The following AKAP9 variants were observed in gnomAD, a reference collection of about 807,000 sequenced individuals.
The protein encoded by AKAP9 is A-kinase anchor protein 9.
Under a neutral mutation model 488.5 loss-of-function variants are expected in AKAP9, and 311 were observed. That is an observed-to-expected ratio of 0.64 (90% CI 0.58 to 0.70). The LOEUF (loss-of-function observed/expected upper bound fraction) is 0.70. AKAP9 is among the 30% of genes least tolerant of loss of function. AKAP9 has a pLI of 0.00. For synonymous variants in AKAP9, 1,462 were observed against 1,483.5 expected (o/e 0.99, Z 0.33); for missense variants, 4,215 against 4,374.5 (o/e 0.96, Z 1.03).
At chr7:91,992,761 C>T in intron 4 of AKAP9, 124 bp from the exon 5 acceptor site, 7 of 871,258 alleles carry the variant, frequency 8.0e-6, no homozygotes, top group Non-Finnish European at 1.3e-5. Context: ...GGTTGCCATA[C>T]CATAATCTTC....
At chr7:92,094,459 G>A (rs1364032228) in intron 39 of AKAP9, among the ~76,000 whole-genome samples, 1 of 151,978 alleles carries the variant, frequency 6.6e-6, no homozygotes. Context: ...CTTGAACCCG[G>A]GAGGCGGAGG....
rs759512163 is a variant in AKAP9 at position 92,097,093 on chromosome 7, G to C, written c.10134G>C (p.Gln3378His). 1 of 1,614,174 alleles carries C rather than the reference G, an allele frequency of 6.2e-7. No homozygotes were observed. Among genetic ancestry groups the C allele is most frequent in the Non-Finnish European group, 8.5e-7 (1 of 1,180,028 alleles). The change falls in exon 41 of 50, where the codon CAG becomes CAC. Residue 3378 changes from glutamine to histidine, a missense_variant. Physicochemically the swap from Gln to His is conservative, Grantham distance 24 (BLOSUM62 0). Transcript: ENST00000356239. Reference sequence around the variant, plus strand: ...AACTGGATTCTTTGCAAACACGACAGCAAATGGAAAAAGATAGGCAGGTTC... The same window carrying C: ...AACTGGATTCTTTGCAAACACGACACCAAATGGAAAAAGATAGGCAGGTTC... The part of the protein sequence containing the change: ...KYKLDSLQTR[Q>H]QMEKDRQVHR...
At chr7:92,080,239 A>G (rs1449024259) in intron 31 of AKAP9, 87 bp downstream of exon 31, 6 of 1,024,016 alleles carry the variant, frequency 5.9e-6, no homozygotes, top group East Asian at 2.6e-5. Context: ...TTCTGTTTAC[A>G]TCTAACAATT....
chr7:92,004,694 T>C (rs1041809924), intron 8 of AKAP9, among the ~76,000 whole-genome samples: 5 of 152,214 alleles, frequency 3.3e-5, no homozygotes, highest in Admixed American at 1.3e-4. Flanking sequence ...CTGAAGTTGC[T>C]TATCAGCTTA....
At chr7:91,944,408 T>G (rs1326153961) in intron 1 of AKAP9, among the ~76,000 whole-genome samples, 2 of 152,050 alleles carry the variant, frequency 1.3e-5, no homozygotes, top group East Asian at 3.9e-4. Context: ...ATTTTTTTTT[T>G]TTTTGAGACA....
At chr7:92,073,864 A>G (rs1812134909) in intron 28 of AKAP9, among the ~76,000 whole-genome samples, 1 of 152,240 alleles carries the variant, frequency 6.6e-6, no homozygotes. Flanking sequence ...CAAGTCTTAC[A>G]CAAAAATTAA....
intron 31 of AKAP9, among the ~76,000 whole-genome samples, chr7:92,080,904 C>T (rs1813442260): frequency 6.6e-6 from 1 of 152,122 alleles, no homozygotes; most frequent in Non-Finnish European, 1.5e-5. Flanking sequence ...CTTACGTACT[C>T]CTAAGTTAGA....
At chr7:92,034,494 A>ATTTT (rs1161686473) in intron 16 of AKAP9, among the ~76,000 whole-genome samples, 1 of 89,700 alleles carries the variant, frequency 1.1e-5, no homozygotes, top group African/African-American at 4.7e-5. Context: ...ATATATATAT[A>ATTTT]TATATTTTTT....
intron 7 of AKAP9, 34 bp downstream of exon 7, chr7:91,995,834 A>G (rs375335285): frequency 1.2e-4 from 178 of 1,518,450 alleles, no homozygotes; most frequent in Non-Finnish European, 1.6e-4. Context: ...GCTAACTTGT[A>G]GAAGCTTTAG....
At chr7:91,986,411 C>T (rs890493538) in intron 3 of AKAP9, among the ~76,000 whole-genome samples, 106 of 152,166 alleles carry the variant, frequency 7.0e-4, no homozygotes, top group African/African-American at 2.2e-3. Context: ...ACCCACTGTC[C>T]GACCAGTCCC....
At chr7:91,994,585 A>G (rs1355338393) in intron 5 of AKAP9, 36 bp from the exon 6 acceptor site, 1 of 1,557,776 alleles carries the variant, frequency 6.4e-7, no homozygotes, top group African/African-American at 1.4e-5. Context: ...TAGTCAATTA[A>G]AAAAAATAAA....
intron 3 of AKAP9, 75 bp downstream of exon 3, chr7:91,980,408 T>C: frequency 1.4e-6 from 1 of 732,220 alleles, no homozygotes; most frequent in Non-Finnish European, 2.1e-6. Context: ...TGATTGTTGC[T>C]ACTTGATTTC....
At chr7:92,070,246 A>G in intron 27 of AKAP9, 40 bp downstream of exon 27, 1 of 1,590,684 alleles carries the variant, frequency 6.3e-7, no homozygotes, top group Non-Finnish European at 8.6e-7. Context: ...AAGTGTTTTA[A>G]TGAAGAATAC....
intron 16 of AKAP9, among the ~76,000 whole-genome samples, chr7:92,031,809 G>C (rs937660566): frequency 1.3e-5 from 2 of 152,194 alleles, no homozygotes; most frequent in Non-Finnish European, 2.9e-5. Context: ...TCTTGATGTA[G>C]ACTAGTAATT....
intron 16 of AKAP9, among the ~76,000 whole-genome samples, chr7:92,036,865 G>A (rs756888628): frequency 2.6e-5 from 4 of 152,238 alleles, no homozygotes; most frequent in Admixed American, 6.5e-5. Flanking sequence ...ACATTTTGCC[G>A]TAATGGGTAT....
At chr7:91,987,193 G>C (rs771671454) in intron 3 of AKAP9, among the ~76,000 whole-genome samples, 1 of 151,944 alleles carries the variant, frequency 6.6e-6, no homozygotes, top group Non-Finnish European at 1.5e-5. Context: ...CAAAGTGGGC[G>C]GATCACCTGA....
intron 43 of AKAP9, among the ~76,000 whole-genome samples, chr7:92,099,110 ATAGACCAC>A (rs1817120298): frequency 6.6e-6 from 1 of 152,204 alleles, no homozygotes; most frequent in Admixed American, 6.5e-5. Context: ...GAAAGTCACC[ATAGACCAC>A]TTTCCTTCAC....
rs146689921 is a variant in AKAP9, at chr7:92,084,652, C to A, written c.8659C>A (p.Pro2887Thr). The change falls in exon 34 of 50, where the codon CCT (proline) becomes ACT (threonine). Residue 2887 changes from proline to threonine, a missense_variant. By Grantham distance (38) the Pro-to-Thr change is conservative (BLOSUM62 -1). Around this residue, in one of 5 missense-constraint regions of AKAP9, gnomAD observed 1,476 missense variants for 1,477.4 expected, o/e 1.00. Coordinates refer to ENST00000356239, the MANE Select transcript of AKAP9 (RefSeq NM_005751.5). ...TTTCTCTAATTAGGGATCCTCAATTCCTGAGCTAGCACATTCTGATGCTTA... is the reference window on the plus strand; with the variant it reads ...TTTCTCTAATTAGGGATCCTCAATTACTGAGCTAGCACATTCTGATGCTTA... ...CLRSKEGSSI[P>T]ELAHSDAYQT... The A allele has an allele frequency of 8.7e-6, 14 of 1,609,192 alleles. No individual in the cohort carries two copies. Among genetic ancestry groups the A allele is most frequent in the Admixed American group, 5.0e-5 (3 of 59,980 alleles).
chr7:91,981,603 C>CTTTTTT (rs532220900), intron 3 of AKAP9, among the ~76,000 whole-genome samples: 1 of 106,640 alleles, frequency 9.4e-6, no homozygotes, highest in Non-Finnish European at 1.9e-5. Context: ...TCTTGTATTT[C>CTTTTTT]TTTTTTTTTT....
Sources: allele counts gnomAD v4.1 joint callset (sites outside exome capture counted in the v4.1 genomes callset), GRCh38; gene constraint gnomAD v4.1.1; regional missense constraint gnomAD v4.1.1; transcripts MANE v1.5; gene names NCBI Gene and HGNC (gene_info 2026-07-23, HGNC 2026-07-21).